CSMD1: variants seen among roughly 807,000 people sequenced by gnomAD.
CSMD1 encodes CUB and sushi domain-containing protein 1.
A neutral mutation model predicts 417.5 loss-of-function variants in CSMD1; 213 were observed. The ratio of observed to expected loss-of-function variants is 0.51; its 90% CI spans 0.46 to 0.57. The LOEUF is 0.57. CSMD1 is among the 20% of genes least tolerant of loss of function. The pLI is 0.00. For synonymous variants in CSMD1, 2,862 were observed against 1,736.8 expected, an observed-to-expected ratio of 1.65 and a Z score of -16.11; for missense variants, 6,923 against 4,529.7, an observed-to-expected ratio of 1.53 and a Z score of -15.17.
chr8:4,281,400 G>T (rs951335212), intron 3 of CSMD1, among the ~76,000 whole-genome samples: 19 of 152,154 alleles, frequency 1.2e-4, no homozygotes, highest in African/African-American at 4.6e-4. Flanking sequence ...CCAAAAAACA[G>T]CTTTAAATTA....
intron 5 of CSMD1, among the ~76,000 whole-genome samples, chr8:3,989,129 G>T (rs74836475): frequency 2.0e-5 from 3 of 152,198 alleles, no homozygotes; most frequent in East Asian, 3.9e-4. Flanking sequence ...AAATTGCTAT[G>T]TGGGGCGGGC....
chr8:4,177,576 A>G (rs371970438), intron 3 of CSMD1, among the ~76,000 whole-genome samples: 1 of 151,718 alleles, frequency 6.6e-6, no homozygotes, highest in Non-Finnish European at 1.5e-5. Flanking sequence ...AAATAACTAA[A>G]ATCAGAGCAG....
chr8:4,496,276 G>A (rs986894178), intron 2 of CSMD1, among the ~76,000 whole-genome samples: 1 of 152,160 alleles, frequency 6.6e-6, no homozygotes, highest in Non-Finnish European at 1.5e-5. Context: ...CCGTGGCTGG[G>A]ATAAGGTGGA....
At chr8:2,976,891 G>A (rs547985054) in intron 55 of CSMD1, among the ~76,000 whole-genome samples, 1 of 151,078 alleles carries the variant, frequency 6.6e-6, no homozygotes, top group Non-Finnish European at 1.5e-5. Context: ...TAATCTTCAT[G>A]GTCTAAAATA....
chr8:4,085,940 T>C (rs1365496326), intron 3 of CSMD1, among the ~76,000 whole-genome samples: 1 of 152,286 alleles, frequency 6.6e-6, no homozygotes, highest in African/African-American at 2.4e-5. Context: ...CTCTGTATTA[T>C]TTCTTACAAG....
intron 5 of CSMD1, among the ~76,000 whole-genome samples, chr8:3,764,960 G>C (rs1467234064): frequency 2.6e-5 from 4 of 151,788 alleles, no homozygotes; most frequent in South Asian, 2.1e-4. Flanking sequence ...GACCAGGCTG[G>C]TCTCGAACTC....
intron 2 of CSMD1, among the ~76,000 whole-genome samples, chr8:4,541,665 G>C (rs991592395): frequency 2.0e-5 from 3 of 152,074 alleles, no homozygotes; most frequent in Admixed American, 6.6e-5. Context: ...AACCAAGGAG[G>C]CTGAGGTTGC....
chr8:3,979,540 T>G (rs959875371), intron 5 of CSMD1, among the ~76,000 whole-genome samples: 4 of 152,146 alleles, frequency 2.6e-5, no homozygotes, highest in African/African-American at 9.7e-5. Context: ...GTCATGATAT[T>G]AAGAGCTCAG....
rs7845489 is a variant in CSMD1 at position 4,829,929 on chromosome 8, T to G, written c.85+164403A>C. Among the ~76,000 whole-genome samples, 462 of 152,216 alleles carry G rather than the reference T, an allele frequency of 3.0e-3. 1 individual carries two copies. The highest frequency in any genetic ancestry group is 0.01 in the African/African-American group (432 of 41,528). On this transcript the variant is annotated intron_variant, in intron 1 of 69. Transcript: ENST00000635120. ...GCCACCGTTGCCCTGTTTAGAGGCC[T>G]TCTGATGTAGAAAGAAAACACACAC...
chr8:3,340,119 G>T (rs1001338694), intron 23 of CSMD1, among the ~76,000 whole-genome samples: 3 of 152,108 alleles, frequency 2.0e-5, no homozygotes, highest in Non-Finnish European at 4.4e-5. Flanking sequence ...GAGGATCACC[G>T]AAAATCGTTG....
chr8:3,646,021 A>T (rs1191518529), intron 7 of CSMD1, among the ~76,000 whole-genome samples: 4 of 151,562 alleles, frequency 2.6e-5, no homozygotes, highest in Non-Finnish European at 4.4e-5. Context: ...TAGCATTAAC[A>T]AAAACTAGAA....
intron 33 of CSMD1, among the ~76,000 whole-genome samples, chr8:3,193,750 C>T (rs775809256): frequency 7.9e-5 from 12 of 152,216 alleles, no homozygotes; most frequent in Middle Eastern, 3.4e-3. Context: ...AGAGGCAGAA[C>T]GCTCTCCTCT....
intron 3 of CSMD1, among the ~76,000 whole-genome samples, chr8:4,332,223 C>G (rs10104209): frequency 0.45 from 67,567 of 151,810 alleles, 16,725 homozygotes; most frequent in African/African-American, 0.67. Context: ...GGATCCCTCA[C>G]GAAGCTAACG....
rs562379665 is a variant in CSMD1 at position 4,113,771 on chromosome 8, T to A, written c.416-81672A>T. The stretch of plus-strand genomic sequence containing the variant: ...AGCCTTATTGGTGAGATGGAGAAAG[T>A]TTTCAAGTTATCTGCATAAAACACC... On this transcript the variant is annotated intron_variant, in intron 3 of 69. Coordinates refer to ENST00000635120, the MANE Select transcript of CSMD1 (RefSeq NM_033225.6). Among the ~76,000 whole-genome samples, 86 of 152,136 alleles carry A rather than the reference T, an allele frequency of 5.7e-4. 2 individuals are homozygous for A. The highest frequency in any genetic ancestry group is 1.9e-3 in the African/African-American group (79 of 41,486).
intron 1 of CSMD1, among the ~76,000 whole-genome samples, chr8:4,844,777 C>A (rs1289660316): frequency 6.6e-6 from 1 of 152,158 alleles, no homozygotes; most frequent in Non-Finnish European, 1.5e-5. Flanking sequence ...ATTCTCCAGG[C>A]AAATTCACTA....
intron 33 of CSMD1, among the ~76,000 whole-genome samples, chr8:3,192,850 C>G (rs972195162): frequency 6.6e-6 from 1 of 151,604 alleles, no homozygotes; most frequent in Non-Finnish European, 1.5e-5. Context: ...TAGGGATGCT[C>G]AATCCATATA....
chr8:3,269,208 C>T (rs543933116), intron 26 of CSMD1, among the ~76,000 whole-genome samples: 9 of 152,340 alleles, frequency 5.9e-5, no homozygotes, highest in Admixed American at 4.6e-4. Flanking sequence ...AAGCTGAATG[C>T]AGCTGTCTTT....
chr8:4,700,838 A>C (rs140267369), intron 1 of CSMD1, among the ~76,000 whole-genome samples: 1 of 152,326 alleles, frequency 6.6e-6, no homozygotes, highest in East Asian at 1.9e-4. Flanking sequence ...GGTAACAGCA[A>C]GAATAGGAAG....
At chr8:3,113,217 G>C (rs532670293) in intron 42 of CSMD1, 12 of 152,428 alleles carry the variant, frequency 7.9e-5, no homozygotes, top group African/African-American at 2.9e-4. Flanking sequence ...TCACCTGTCT[G>C]CCTGGGAGAC....
Sources: allele counts gnomAD v4.1 joint callset (sites outside exome capture counted in the v4.1 genomes callset), GRCh38; gene constraint gnomAD v4.1.1; transcripts MANE v1.5; gene names NCBI Gene and HGNC (gene_info 2026-07-23, HGNC 2026-07-21).